FAM13C: variants seen among roughly 807,000 people sequenced by gnomAD.
FAM13C encodes the protein family with sequence similarity 13 member C.
Under a neutral mutation model 73.2 loss-of-function variants are expected in FAM13C, and 37 were observed. The ratio of observed to expected loss-of-function variants is 0.51; its 90% CI spans 0.39 to 0.67. The LOEUF is 0.67. Among genes scored for constraint, FAM13C ranks in the 30% least tolerant of loss-of-function variants. The probability of loss-of-function intolerance (pLI) is 0.00; values close to 1 mark genes in which losing one functional copy is unlikely to be tolerated. For synonymous variants in FAM13C, 246 were observed against 260.9 expected (o/e 0.94, Z 0.55); for missense variants, 589 against 715.6 (o/e 0.82, Z 2.02).
At chr10:59,324,761 AC>A (rs1850862631) in intron 3 of FAM13C, among the ~76,000 whole-genome samples, 3 of 151,686 alleles carry the variant, frequency 2.0e-5, no homozygotes, top group Non-Finnish European at 4.4e-5. Context: ...TCCTGCCACC[AC>A]CCCCTCATAC....
At chr10:59,360,341 G>C (rs1856239421) in intron 1 of FAM13C, among the ~76,000 whole-genome samples, 1 of 152,182 alleles carries the variant, frequency 6.6e-6, no homozygotes, top group African/African-American at 2.4e-5. Flanking sequence ...AGGCATCGAA[G>C]AAAATAAGTG....
intron 4 of FAM13C, among the ~76,000 whole-genome samples, chr10:59,316,513 TGCATCCTTAG>T (rs1421340543): frequency 6.6e-6 from 1 of 152,178 alleles, no homozygotes; most frequent in Non-Finnish European, 1.5e-5. Flanking sequence ...TTTTGAGAAA[TGCATCCTTAG>T]GCTATTTCGT....
chr10:59,340,384 G>A (rs1853336948), intron 3 of FAM13C, among the ~76,000 whole-genome samples: 1 of 152,068 alleles, frequency 6.6e-6, no homozygotes, highest in South Asian at 2.1e-4. Context: ...TCAGCACAGA[G>A]TTGAGTACCT....
chr10:59,265,539 A>C lies in FAM13C; in HGVS notation c.943-1373T>G, dbSNP rs192038025. Among the ~76,000 whole-genome samples, 42 of 152,232 alleles carry C rather than the reference A, an allele frequency of 2.8e-4. No homozygotes were observed. In the East Asian group the frequency reaches 7.0e-3, roughly 25 times the overall value. ...AATCCTTAGAGAATTCTCCACTCCGATCTGAGAACACACCTTGTTGAACAA... is the reference window on the plus strand; with the variant it reads ...AATCCTTAGAGAATTCTCCACTCCGCTCTGAGAACACACCTTGTTGAACAA... On this transcript the variant is annotated intron_variant, in intron 8 of 13. Transcript: ENST00000618804.
intron 5 of FAM13C, among the ~76,000 whole-genome samples, chr10:59,287,214 G>A (rs991631398): frequency 2.6e-5 from 4 of 150,960 alleles, no homozygotes; most frequent in African/African-American, 9.7e-5. Flanking sequence ...GGGGGCGCCA[G>A]TAGTCCCAGC....
chr10:59,286,654 A>G (rs933658984), intron 5 of FAM13C, among the ~76,000 whole-genome samples: 2 of 151,162 alleles, frequency 1.3e-5, no homozygotes, highest in African/African-American at 2.4e-5. Flanking sequence ...TATTGGGAAG[A>G]TGAAAAAAGT....
At chr10:59,359,212 A>G (rs1376591028) in intron 1 of FAM13C, among the ~76,000 whole-genome samples, 1 of 152,208 alleles carries the variant, frequency 6.6e-6, no homozygotes, top group Non-Finnish European at 1.5e-5. Context: ...ACCTGGGCTA[A>G]GTTGTAAGTC....
chr10:59,253,535 A>G (rs1841615522), intron 11 of FAM13C, among the ~76,000 whole-genome samples: 1 of 152,226 alleles, frequency 6.6e-6, no homozygotes, highest in Non-Finnish European at 1.5e-5. Context: ...TGTTCTGATA[A>G]TTCTTATCAC....
At chr10:59,346,456 T>C (rs1463297700) in intron 3 of FAM13C, among the ~76,000 whole-genome samples, 3 of 152,224 alleles carry the variant, frequency 2.0e-5, no homozygotes, top group South Asian at 2.1e-4. Flanking sequence ...GATGCTGATA[T>C]ACACCAGACC....
Position 59,254,330 on chromosome 10 carries a change from G to C in FAM13C, c.1332+18C>G. The stretch of plus-strand genomic sequence containing the variant: ...ACACATCAGTACAAAGTAACAGCAT[G>C]CAAGTATCCTGACTTACAATTGTTG... On this transcript the variant is annotated intron_variant, in intron 11 of 13. Transcript: ENST00000618804. 6 of 1,494,182 alleles carry C rather than the reference G, an allele frequency of 4.0e-6. No individual in the cohort carries two copies. Among genetic ancestry groups the C allele is most frequent in the Non-Finnish European group, 5.5e-6 (6 of 1,098,434 alleles). The allele number at this position is 1,494,182 out of a possible 1,614,324, so 92.6% of individuals were successfully genotyped here. A position where few individuals can be genotyped will look rare whatever the true frequency, so the allele number is the denominator to read the frequency against.
chr10:59,360,817 A>C (rs1212847278), intron 1 of FAM13C, among the ~76,000 whole-genome samples: 1 of 145,302 alleles, frequency 6.9e-6, no homozygotes, highest in Non-Finnish European at 1.5e-5. Context: ...ACAAGGCACC[A>C]GGCTCTCCCC....
intron 3 of FAM13C, among the ~76,000 whole-genome samples, chr10:59,335,221 T>C (rs565667621): frequency 5.3e-5 from 8 of 152,316 alleles, no homozygotes; most frequent in African/African-American, 1.4e-4. Flanking sequence ...GTGATCTCCC[T>C]TTAGAAAGCA....
chr10:59,342,959 T>C (rs959012585), intron 3 of FAM13C, among the ~76,000 whole-genome samples: 2 of 152,252 alleles, frequency 1.3e-5, no homozygotes, highest in Admixed American at 6.5e-5. Flanking sequence ...TGCATATGTA[T>C]GTGTGTGCAG....
intron 3 of FAM13C, among the ~76,000 whole-genome samples, chr10:59,332,279 T>G (rs1852100140): frequency 6.6e-6 from 1 of 152,136 alleles, no homozygotes; most frequent in Non-Finnish European, 1.5e-5. Context: ...GCAGTTATGG[T>G]TTTTTTATGT....
At chr10:59,302,746 T>G in intron 5 of FAM13C, 55 bp downstream of exon 5, 1 of 1,514,052 alleles carries the variant, frequency 6.6e-7, no homozygotes, top group South Asian at 1.1e-5. Flanking sequence ...AAAAGAATAG[T>G]AAATCTCATG....
chr10:59,347,570 C>T (rs776948594), intron 3 of FAM13C, among the ~76,000 whole-genome samples: 5 of 151,820 alleles, frequency 3.3e-5, no homozygotes, highest in South Asian at 2.1e-4. Context: ...GGTACACGTG[C>T]AGAATGTGCA....
rs1426718738 is a variant in FAM13C, at chr10:59,249,641, T to C, written c.1635-1904A>G. On this transcript the variant is annotated intron_variant, in intron 13 of 13. Transcript: ENST00000618804. ...ACATTTTAGTAATCCATTTGCATGG[T>C]TATTTTAACTTATGGATGCTTAGGC... is the stretch of plus-strand genomic sequence containing the variant. Among the ~76,000 whole-genome samples, 5 of 152,194 alleles carry C rather than the reference T, an allele frequency of 3.3e-5. No individual in the cohort carries two copies. The South Asian group carries it at 6.2e-4, about 19-fold the overall frequency.
chr10:59,297,900 C>CA (rs561416573), intron 5 of FAM13C, among the ~76,000 whole-genome samples: 88,557 of 148,776 alleles, frequency 0.6, 26,771 homozygotes, highest in Admixed American at 0.67. Flanking sequence ...ACTCTGGGGA[C>CA]AAAAAAAAAA....
chr10:59,264,365 A>G (rs1842813745), intron 8 of FAM13C, among the ~76,000 whole-genome samples, 199 bp from the exon 9 acceptor site: 1 of 152,242 alleles, frequency 6.6e-6, no homozygotes, highest in Non-Finnish European at 1.5e-5. Flanking sequence ...TCTAGGAAAC[A>G]GTAAATATTC....
Sources: allele counts gnomAD v4.1 joint callset (sites outside exome capture counted in the v4.1 genomes callset), GRCh38; gene constraint gnomAD v4.1.1; transcripts MANE v1.5; gene names NCBI Gene and HGNC (gene_info 2026-07-23, HGNC 2026-07-21).